The following ADAMTS16 variants were observed in gnomAD, a reference collection of about 807,000 sequenced individuals.
The protein encoded by ADAMTS16 is ADAM metallopeptidase with thrombospondin type 1 motif 16.
A neutral mutation model predicts 145.8 loss-of-function variants in ADAMTS16; 94 were observed. The observed-to-expected ratio is 0.64, with a 90% CI of 0.55 to 0.77. The LOEUF (loss-of-function observed/expected upper bound fraction) is 0.77, where lower values mean the gene tolerates loss of function less well. Among genes scored for constraint, ADAMTS16 ranks in the 30% least tolerant of loss-of-function variants. ADAMTS16 has a pLI of 0.00. For missense variants in ADAMTS16, 1,585 were observed against 1,591.5 expected (o/e 1.00, Z 0.07); for synonymous variants, 659 against 604.3 (o/e 1.09, Z -1.33).
intron 18 of ADAMTS16, 107 bp from the exon 19 acceptor site, chr5:5,303,161 A>G: frequency 1.6e-6 from 2 of 1,222,246 alleles, no homozygotes; most frequent in African/African-American, 1.5e-5. Context: ...CGGCACACAC[A>G]CGACCGTGGC....
chr5:5,311,300 C>CAAAAAG (rs1740419352), intron 21 of ADAMTS16, among the ~76,000 whole-genome samples: 1 of 127,954 alleles, frequency 7.8e-6, no homozygotes, highest in African/African-American at 3.0e-5. Flanking sequence ...TTGACATAGG[C>CAAAAAG]AAAAAAAAAA....
At chr5:5,303,118 A>C in intron 18 of ADAMTS16, 150 bp from the exon 19 acceptor site, 1 of 793,006 alleles carries the variant, frequency 1.3e-6, no homozygotes, top group Non-Finnish European at 1.9e-6. Flanking sequence ...TCCGGTAGGA[A>C]TGCTCACCCA....
intron 18 of ADAMTS16, among the ~76,000 whole-genome samples, chr5:5,272,611 T>C (rs899771709): frequency 6.6e-5 from 10 of 152,124 alleles, no homozygotes; most frequent in African/African-American, 2.4e-4. Flanking sequence ...GTGATCCGCC[T>C]GCCTCGGCCT....
At chr5:5,197,379 G>A (rs550058739) in intron 8 of ADAMTS16, among the ~76,000 whole-genome samples, 27 of 152,224 alleles carry the variant, frequency 1.8e-4, no homozygotes, top group African/African-American at 4.3e-4. Context: ...TTAGATTTCC[G>A]TCTGGGTATT....
Position 5,239,184 on chromosome 5 carries a change from G to A in ADAMTS16, c.2188G>A (p.Ala730Thr). The stretch of plus-strand genomic sequence containing the variant: ...ATGTGACAATGTCCTTGGATCTGAT[G>A]CTGTTGAAGACGTCTGTGGGGTGTG... ...VGCDNVLGSD[A>T]VEDVCGVCNG... Residue 730 changes from alanine to threonine, a missense_variant, in exon 15 of 23, where the codon GCT becomes ACT. By Grantham distance (58) the Ala-to-Thr change is moderately conservative. Coordinates refer to ENST00000274181, the MANE Select transcript of ADAMTS16 (RefSeq NM_139056.4). The A allele has an allele frequency of 6.3e-7, 1 of 1,590,722 alleles. No homozygotes were observed. Among genetic ancestry groups the A allele is most frequent in the East Asian group, 2.3e-5 (1 of 43,730 alleles).
intron 18 of ADAMTS16, among the ~76,000 whole-genome samples, chr5:5,301,241 T>A (rs1037404969): frequency 1.3e-5 from 2 of 152,048 alleles, no homozygotes; most frequent in African/African-American, 2.4e-5. Context: ...GTATTTTTTG[T>A]GTGTGGAGAT....
intron 2 of ADAMTS16, among the ~76,000 whole-genome samples, chr5:5,144,181 A>G (rs1157144033): frequency 1.3e-5 from 2 of 152,118 alleles, no homozygotes; most frequent in African/African-American, 2.4e-5. Context: ...AATGCAGAGA[A>G]TATAAAATAG....
intron 17 of ADAMTS16, among the ~76,000 whole-genome samples, chr5:5,246,756 T>C (rs1365751365): frequency 6.6e-6 from 1 of 152,194 alleles, no homozygotes; most frequent in Admixed American, 6.5e-5. Flanking sequence ...GGGAATCGAG[T>C]ACTTCGATCC....
chr5:5,153,045 A>C, intron 3 of ADAMTS16, among the ~76,000 whole-genome samples: 1 of 152,246 alleles, frequency 6.6e-6, no homozygotes, highest in East Asian at 1.9e-4. Context: ...TTGAAACCAC[A>C]GTACTATTTC....
intron 18 of ADAMTS16, among the ~76,000 whole-genome samples, chr5:5,281,620 G>A (rs777486779): frequency 6.6e-6 from 1 of 152,140 alleles, no homozygotes; most frequent in Non-Finnish European, 1.5e-5. Context: ...ATGCCCTGAG[G>A]ACCAAACAGT....
intron 18 of ADAMTS16, among the ~76,000 whole-genome samples, chr5:5,274,223 C>T (rs1738596159): frequency 6.6e-6 from 1 of 152,162 alleles, no homozygotes; most frequent in African/African-American, 2.4e-5. Flanking sequence ...TCACCCAAGT[C>T]CATAGTTTAC....
intron 8 of ADAMTS16, among the ~76,000 whole-genome samples, chr5:5,197,906 C>A (rs1272256792): frequency 6.6e-6 from 1 of 152,146 alleles, no homozygotes; most frequent in Non-Finnish European, 1.5e-5. Context: ...CAAATGCCAG[C>A]TCCTAACCCT....
At chr5:5,318,650 T>C (rs1734152991) in intron 22 of ADAMTS16, among the ~76,000 whole-genome samples, 1 of 152,130 alleles carries the variant, frequency 6.6e-6, no homozygotes, top group African/African-American at 2.4e-5. Flanking sequence ...CCCCCAGCAT[T>C]GCGGAGACAG....
Position 5,182,241 on chromosome 5 carries a change from G to A in ADAMTS16, c.699G>A (p.Leu233=), listed in dbSNP as rs764937722. ...CATGGGAGCTGGCACATCAACCCCT[G>A]CACAGCAGCGACCTTCGCCTGGGAC... ...SRTWELAHQP[L]HSSDLRLGLP... The change falls in exon 4 of 23, where the codon CTG becomes CTA. Residue 233 remains leucine, a synonymous_variant. Coordinates refer to ENST00000274181, the MANE Select transcript of ADAMTS16 (RefSeq NM_139056.4). 1.2e-6 allele frequency: 2 copies of A among 1,614,144 alleles called. No homozygotes were observed. Among genetic ancestry groups the A allele is most frequent in the East Asian group, 2.2e-5 (1 of 44,872 alleles).
chr5:5,144,941 C>A (rs547694669), intron 2 of ADAMTS16, among the ~76,000 whole-genome samples: 329 of 152,214 alleles, frequency 2.2e-3, no homozygotes, highest in Non-Finnish European at 3.7e-3. Context: ...GGGTGGAGCC[C>A]GTGGGAGATG....
intron 18 of ADAMTS16, among the ~76,000 whole-genome samples, chr5:5,290,542 C>T (rs1032913100): frequency 6.6e-6 from 1 of 152,132 alleles, no homozygotes; most frequent in Non-Finnish European, 1.5e-5. Context: ...GTAATCCCAG[C>T]TACTCAGGAG....
intron 17 of ADAMTS16, among the ~76,000 whole-genome samples, chr5:5,245,939 G>T (rs745327824): frequency 6.6e-6 from 1 of 152,080 alleles, no homozygotes; most frequent in African/African-American, 2.4e-5. Context: ...GACTCTCAGT[G>T]AGCATCTGGG....
chr5:5,177,793 T>C (rs1579290732), intron 3 of ADAMTS16, among the ~76,000 whole-genome samples: 1 of 152,196 alleles, frequency 6.6e-6, no homozygotes, highest in Non-Finnish European at 1.5e-5. Flanking sequence ...AATTACTTGA[T>C]AATTAAAATG....
chr5:5,287,626 G>A (rs16875244), intron 18 of ADAMTS16, among the ~76,000 whole-genome samples: 36,853 of 152,132 alleles, frequency 0.24, 4,684 homozygotes, highest in Middle Eastern at 0.33. Context: ...TACTGCCTGA[G>A]AGTAAAGAAT....
Sources: gnomAD v4.1 joint callset for allele counts (sites outside exome capture counted in the v4.1 genomes callset) on GRCh38, gnomAD v4.1.1 for gene constraint, MANE v1.5 for transcripts, NCBI Gene and HGNC (gene_info 2026-07-23, HGNC 2026-07-21) for gene names.